The following PKP4 variants were observed in gnomAD, a reference collection of about 807,000 sequenced individuals.
The protein encoded by PKP4 is plakophilin-4.
Under a neutral mutation model 145.1 loss-of-function variants are expected in PKP4, and 90 were observed. That is an observed-to-expected ratio of 0.62 (90% confidence interval 0.52 to 0.74). The LOEUF (loss-of-function observed/expected upper bound fraction) is 0.74. Among genes scored for constraint, PKP4 ranks in the 30% least tolerant of loss-of-function variants. The probability of loss-of-function intolerance (pLI) is 0.00; values close to 1 mark genes in which losing one functional copy is unlikely to be tolerated. For synonymous variants in PKP4, 563 were observed against 577.2 expected (o/e 0.98, Z 0.35); for missense variants, 1,340 against 1,482.7 (o/e 0.90, Z 1.58).
intron 16 of PKP4, among the ~76,000 whole-genome samples, chr2:158,667,075 C>T (rs527587856): frequency 6.6e-6 from 1 of 152,188 alleles, no homozygotes; most frequent in Admixed American, 6.5e-5. Flanking sequence ...CTAAGCAAGG[C>T]GCCAAAGGCA....
At position 158,506,674 on chromosome 2, in the gene PKP4, AT is replaced by A. The variant is rs1457435651; in HGVS notation, c.-5-26503del. Among the ~76,000 whole-genome samples, 4 of 152,222 alleles carry A rather than the reference AT, an allele frequency of 2.6e-5. No homozygotes were observed. The East Asian group carries it at 7.7e-4, about 29-fold the overall frequency. On this transcript the variant is annotated intron_variant, in intron 1 of 21. Coordinates refer to ENST00000389759, the MANE Select transcript of PKP4 (RefSeq NM_003628.6). ...AATTGACACAATAAATCTCTTTGAT[AT>A]TTATACTTATGCCTACTTTTAACCT...
At chr2:158,671,415 A>C (rs527654458) in intron 17 of PKP4, among the ~76,000 whole-genome samples, 1 of 152,078 alleles carries the variant, frequency 6.6e-6, no homozygotes, top group East Asian at 1.9e-4. Flanking sequence ...GTGGAACCAT[A>C]ATCACTTATG....
chr2:158,628,152 T>C (rs1022943722), intron 7 of PKP4, among the ~76,000 whole-genome samples: 8 of 151,966 alleles, frequency 5.3e-5, no homozygotes, highest in African/African-American at 1.9e-4. Flanking sequence ...GGCTAATTTT[T>C]GTATTTTTAG....
chr2:158,515,092 T>C lies in PKP4; in HGVS notation c.-5-18088T>C, dbSNP rs996104427. 3.3e-5 allele frequency among the ~76,000 whole-genome samples: 5 copies of C among 152,234 alleles called. No homozygotes were observed. The South Asian group carries it at 6.2e-4, about 19-fold the overall frequency. ...CCTGTGCTTTCAGTAAAGTAACTTA[T>C]AAATTAACGTCTGTCCTAAACTGGA... On this transcript the variant is annotated intron_variant, in intron 1 of 21. Coordinates refer to ENST00000389759, the MANE Select transcript of PKP4 (RefSeq NM_003628.6).
rs376697944 is a variant in PKP4 at position 158,495,272 on chromosome 2, A to G, written c.-5-37908A>G. On this transcript the variant is annotated intron_variant, in intron 1 of 21. Coordinates refer to ENST00000389759, the MANE Select transcript of PKP4 (RefSeq NM_003628.6). Reference sequence around the variant, plus strand: ...TTTTTCACAGATTAGGCTGACAAACACTGGAAAGAATGATAAAACCTCATG... The same window carrying G: ...TTTTTCACAGATTAGGCTGACAAACGCTGGAAAGAATGATAAAACCTCATG... Among the ~76,000 whole-genome samples the G allele has an allele frequency of 8.4e-4, 127 of 151,834 alleles. 1 individual carries two copies. Among genetic ancestry groups the G allele is most frequent in the African/African-American group, 3.0e-3 (125 of 41,416 alleles).
chr2:158,497,393 T>G (rs1305181884), intron 1 of PKP4, among the ~76,000 whole-genome samples: 1 of 152,250 alleles, frequency 6.6e-6, no homozygotes, highest in Non-Finnish European at 1.5e-5. Context: ...CCCTCTTTCC[T>G]GCTTTTTCTC....
At chr2:158,647,964 A>G (rs2054983329) in intron 11 of PKP4, among the ~76,000 whole-genome samples, 1 of 152,234 alleles carries the variant, frequency 6.6e-6, no homozygotes, top group South Asian at 2.1e-4. Flanking sequence ...GCTAGGAAAC[A>G]TGAGTTTCAA....
chr2:158,471,999 GC>G lies in PKP4; in HGVS notation c.-6+14782del, dbSNP rs755655028. ...TGTACCAAAAAGCGCTATCTAGGAA[GC>G]TTAGCACAGAACTGAAAGTGAATCA... is the stretch of plus-strand genomic sequence containing the variant. On this transcript the variant is annotated intron_variant, in intron 1 of 21. Coordinates refer to ENST00000389759, the MANE Select transcript of PKP4 (RefSeq NM_003628.6). 5.9e-5 allele frequency among the ~76,000 whole-genome samples: 9 copies of G among 152,262 alleles called. No individual in the cohort carries two copies. In the South Asian group the frequency reaches 1.9e-3, roughly 32 times the overall value.
chr2:158,573,938 G>C (rs961055452), intron 2 of PKP4, among the ~76,000 whole-genome samples: 5 of 152,254 alleles, frequency 3.3e-5, no homozygotes, highest in Non-Finnish European at 7.3e-5. Flanking sequence ...CACCCCTGAA[G>C]GAGCTGATGA....
chr2:158,669,591 A>AT (rs1450522984), intron 16 of PKP4, 129 bp from the exon 17 acceptor site: 8 of 647,956 alleles, frequency 1.2e-5, no homozygotes, highest in East Asian at 3.1e-5. Context: ...ATGGGTTTTG[A>AT]TTTTTTCCCC....
In PKP4 at chr2:158,580,987, C is replaced by T. The variant is rs183941305; in HGVS notation, c.245+3604C>T. Among the ~76,000 whole-genome samples the T allele has an allele frequency of 2.6e-5, 4 of 152,330 alleles. No homozygotes were observed. In the East Asian group the frequency reaches 7.7e-4, roughly 29 times the overall value. On this transcript the variant is annotated intron_variant, in intron 3 of 21. Transcript: ENST00000389759. ...GAGCCTGGCGCTCAGCAAGTGGGCA[C>T]CCAGCCAAATGATCATTGAATGGAT...
At position 158,484,971 on chromosome 2, in the gene PKP4, C is replaced by T. The variant is rs72932908; in HGVS notation, c.-6+27753C>T. Reference sequence around the variant, plus strand: ...CCAACCTAGTATACTCATATCTCACCTCAGTATACCTCACTCAGTTCTCCC... The same window carrying T: ...CCAACCTAGTATACTCATATCTCACTTCAGTATACCTCACTCAGTTCTCCC... On this transcript the variant is annotated intron_variant, in intron 1 of 21. Transcript: ENST00000389759. Among the ~76,000 whole-genome samples, 981 of 152,280 alleles carry T rather than the reference C, an allele frequency of 6.4e-3. 12 individuals are homozygous for T. The highest frequency in any genetic ancestry group is 6.0e-3 in the Non-Finnish European group (411 of 68,024).
intron 12 of PKP4, chr2:158,660,461 TG>T (rs2056457790): frequency 1.3e-5 from 2 of 152,604 alleles, no homozygotes; most frequent in Non-Finnish European, 2.9e-5. Context: ...AGAAGCCAGG[TG>T]GGGTCCCAGA....
chr2:158,531,014 T>G (rs1241288522), intron 1 of PKP4, among the ~76,000 whole-genome samples: 2 of 152,138 alleles, frequency 1.3e-5, no homozygotes, highest in Non-Finnish European at 2.9e-5. Context: ...CTGCATCAGC[T>G]AGGTGATGAG....
chr2:158,466,541 A>G (rs1342420361), intron 1 of PKP4, among the ~76,000 whole-genome samples: 2 of 150,866 alleles, frequency 1.3e-5, no homozygotes, highest in Non-Finnish European at 3.0e-5. Context: ...TACTAAAAAT[A>G]CAAAAAAAAA....
chr2:158,661,928 G>C (rs753227175), intron 13 of PKP4, among the ~76,000 whole-genome samples: 1 of 152,090 alleles, frequency 6.6e-6, no homozygotes, highest in Non-Finnish European at 1.5e-5. Context: ...GCCTGTGGTT[G>C]GTCTGTCCCC....
At chr2:158,612,843 G>A (rs956895651) in intron 4 of PKP4, among the ~76,000 whole-genome samples, 1 of 151,970 alleles carries the variant, frequency 6.6e-6, no homozygotes, top group African/African-American at 2.4e-5. Context: ...TAATTAACTC[G>A]TTCTCATGGA....
intron 16 of PKP4, chr2:158,669,280 C>A (rs2057365476): frequency 6.5e-6 from 1 of 152,690 alleles, no homozygotes; most frequent in Admixed American, 6.5e-5. Flanking sequence ...TGTTTGGCAG[C>A]CTGACTTGGT....
intron 2 of PKP4, among the ~76,000 whole-genome samples, chr2:158,536,838 T>C (rs2044092389): frequency 6.6e-6 from 1 of 152,186 alleles, no homozygotes; most frequent in Admixed American, 6.5e-5. Flanking sequence ...TGATGAAACA[T>C]ACCCAGCCTG....
Sources: gnomAD v4.1 joint callset for allele counts (sites outside exome capture counted in the v4.1 genomes callset) on GRCh38, gnomAD v4.1.1 for gene constraint, MANE v1.5 for transcripts, NCBI Gene and HGNC (gene_info 2026-07-23, HGNC 2026-07-21) for gene names.